The following PTPRF variants were observed in gnomAD, a reference collection of about 807,000 sequenced individuals.
The protein encoded by PTPRF is receptor-type tyrosine-protein phosphatase F.
Under a neutral mutation model 201.8 loss-of-function variants are expected in PTPRF, and 59 were observed. That is an observed-to-expected ratio of 0.29 (90% CI 0.24 to 0.36). The LOEUF (loss-of-function observed/expected upper bound fraction) is 0.36, where lower values mean the gene tolerates loss of function less well. PTPRF is among the 10% of genes least tolerant of loss of function. The pLI is 1.00. For synonymous variants in PTPRF, 1,088 were observed against 1,089.7 expected (o/e 1.00, Z 0.03); for missense variants, 2,132 against 2,690.5 (o/e 0.79, Z 4.59).
chr1:43,583,147 C>T, intron 7 of PTPRF: 1 of 967,916 alleles, frequency 1.0e-6, no homozygotes, highest in Non-Finnish European at 1.2e-6. Context: ...ATGGGACACG[C>T]CTGTCAGTAG....
chr1:43,526,072 C>T (rs986173154), upstream of PTPRF, among the ~76,000 whole-genome samples: 1 of 151,800 alleles, frequency 6.6e-6, no homozygotes, highest in African/African-American at 2.4e-5. Flanking sequence ...GTGCAGTGGA[C>T]GGGGAATAGA....
At chr1:43,576,654 T>A (rs1228425962) in intron 6 of PTPRF, among the ~76,000 whole-genome samples, 2 of 152,254 alleles carry the variant, frequency 1.3e-5, no homozygotes. Flanking sequence ...GAAACTCAGT[T>A]CATCTCTCAG....
chr1:43,597,908 G>T lies in PTPRF; in HGVS notation c.1974G>T (p.Val658=). The T allele has an allele frequency of 6.2e-7, 1 of 1,603,140 alleles. No individual in the cohort carries two copies. The highest frequency in any genetic ancestry group is 8.5e-7 in the Non-Finnish European group (1 of 1,175,352). The stretch of plus-strand genomic sequence containing the variant: ...ACGGCGAGGACCGCGGGCGGCATGT[G>T]GTGGATGGCATCAGCCGTGAGCACT... ...AVDGEDRGRH[V]VDGISREHSS... Residue 658 remains valine, a synonymous_variant, in exon 12 of 34, where the codon GTG becomes GTT. Transcript: ENST00000359947.
Position 43,553,288 on chromosome 1 carries a change from T to C in PTPRF, c.92-204T>C, listed in dbSNP as rs780063120. On this transcript the variant is annotated intron_variant, in intron 3 of 33. Coordinates refer to ENST00000359947, the MANE Select transcript of PTPRF (RefSeq NM_002840.5). The surrounding 1 kb of genome is among the most constrained non-coding windows in gnomAD (Gnocchi z 4.1). ...GGGCCTCTAGAAACAGATACAGTTATAGCACTCACCTCATATGCTTAACAG... is the reference window on the plus strand; with the variant it reads ...GGGCCTCTAGAAACAGATACAGTTACAGCACTCACCTCATATGCTTAACAG... Among the ~76,000 whole-genome samples, 1 of 152,202 alleles carries C rather than the reference T, an allele frequency of 6.6e-6. No homozygotes were observed. The highest frequency in any genetic ancestry group is 1.5e-5 in the Non-Finnish European group (1 of 68,040).
rs117228743 is a variant in PTPRF, at chr1:43,545,130, G to A, written c.55G>A (p.Val19Met). The change falls in exon 3 of 34, where the codon GTG becomes ATG. Residue 19 changes from valine to methionine, a missense_variant. By Grantham distance (21) the Val-to-Met change is conservative. This residue lies in a region of PTPRF where 297 missense variants were observed against 454.0 expected (regional missense o/e 0.65). Coordinates refer to ENST00000359947, the MANE Select transcript of PTPRF (RefSeq NM_002840.5). The stretch of plus-strand genomic sequence containing the variant: ...GATGGTGCCCCTTGTGCCTGCACTG[G>A]TGATGCTTGGTTTGGTGGCAGGCGC... ...RTMVPLVPAL[V>M]MLGLVAGAHG... is the part of the protein sequence containing the mutation. 1.6e-5 allele frequency: 26 copies of A among 1,589,820 alleles called. No individual in the cohort carries two copies. The East Asian group carries it at 3.7e-4, about 22-fold the overall frequency.
In PTPRF at chr1:43,545,180, C is replaced by T. The variant is rs766128034; in HGVS notation, c.91+14C>T. ...CCCATGGTGACAGTAAGTCTGACCC[C>T]TCAAGGTACAGATCTCCCAGGTTGA... On this transcript the variant is annotated intron_variant, in intron 3 of 33. Transcript: ENST00000359947. 1 of 1,564,416 alleles carries T rather than the reference C, an allele frequency of 6.4e-7. No individual in the cohort carries two copies. Among genetic ancestry groups the T allele is most frequent in the South Asian group, 1.2e-5 (1 of 84,914 alleles).
intron 5 of PTPRF, among the ~76,000 whole-genome samples, chr1:43,556,277 G>GT (rs1474514177): frequency 1.3e-5 from 2 of 151,888 alleles, no homozygotes; most frequent in African/African-American, 4.8e-5. Flanking sequence ...TTTTAGTTTT[G>GT]TTTGAGACAG....
At chr1:43,607,021 G>A (rs1023197744) in intron 21 of PTPRF, 53 bp downstream of exon 21, 2 of 1,594,724 alleles carry the variant, frequency 1.3e-6, no homozygotes, top group East Asian at 2.2e-5. Flanking sequence ...TCGCCTTTCA[G>A]GCCCTCTCCG....
rs1454410960 is a variant in PTPRF at position 43,609,517 on chromosome 1, C to T, written c.3973+19C>T. 3.8e-6 allele frequency: 6 copies of T among 1,591,296 alleles called. No homozygotes were observed. The highest frequency in any genetic ancestry group is 5.2e-6 in the Non-Finnish European group (6 of 1,162,094). ...ACCCCAGGTAGGGCACTCCTATGGC[C>T]TGTGTGCCCCCAGCCCAGACCTAGC... On this transcript the variant is annotated intron_variant, in intron 22 of 33. Coordinates refer to ENST00000359947, the MANE Select transcript of PTPRF (RefSeq NM_002840.5).
chr1:43,582,081 C>G (rs1271684539), intron 7 of PTPRF, among the ~76,000 whole-genome samples: 3 of 152,228 alleles, frequency 2.0e-5, no homozygotes, highest in South Asian at 4.1e-4. Flanking sequence ...CGCAAGGCTT[C>G]GTCTCCTCAT....
intron 6 of PTPRF, among the ~76,000 whole-genome samples, chr1:43,574,598 T>G (rs1285018084): frequency 6.6e-6 from 1 of 152,252 alleles, no homozygotes; most frequent in African/African-American, 2.4e-5. Context: ...TGAAAAACTC[T>G]ACGTTCATGA....
chr1:43,545,952 G>A (rs1385664031), intron 3 of PTPRF, among the ~76,000 whole-genome samples: 2 of 152,282 alleles, frequency 1.3e-5, no homozygotes, highest in South Asian at 2.1e-4. Context: ...TTGGTTACTG[G>A]TGGGAGGCGG....
In PTPRF at chr1:43,613,668, G is replaced by A. The variant is rs779515985; in HGVS notation, c.4024G>A (p.Glu1342Lys). 7.4e-6 allele frequency: 12 copies of A among 1,614,124 alleles called. No homozygotes were observed. The highest frequency in any genetic ancestry group is 4.4e-5 in the South Asian group (4 of 91,064). Residue 1342 changes from glutamate to lysine, a missense_variant, in exon 23 of 34, where the codon GAG (glutamate) becomes AAG (lysine). Around this residue, in one of 6 missense-constraint regions of PTPRF, gnomAD observed 818 missense variants for 915.3 expected, o/e 0.89. Coordinates refer to ENST00000359947, the MANE Select transcript of PTPRF (RefSeq NM_002840.5). ...IPITDLADNI[E>K]RLKANDGLKF... ...CATCACCGACCTGGCGGACAACATCGAGCGCCTCAAAGCCAACGATGGCCT... is the reference window on the plus strand; with the variant it reads ...CATCACCGACCTGGCGGACAACATCAAGCGCCTCAAAGCCAACGATGGCCT...
chr1:43,590,238 C>T (rs977273027), intron 8 of PTPRF, among the ~76,000 whole-genome samples: 4 of 152,200 alleles, frequency 2.6e-5, no homozygotes, highest in African/African-American at 9.7e-5. Context: ...AGGAGATTCC[C>T]TGGATCTTAC....
rs1644447115 is a variant in PTPRF at position 43,542,983 on chromosome 1, C to G, written c.-45-2048C>G. Among the ~76,000 whole-genome samples, 1 of 152,128 alleles carries G rather than the reference C, an allele frequency of 6.6e-6. No homozygotes were observed. Among genetic ancestry groups the G allele is most frequent in the African/African-American group, 2.4e-5 (1 of 41,410 alleles). ...GGGTTGCATGCTTGGAATGCTTGTT[C>G]CTGGAAGTTAACCTCTGTGACTATT... On this transcript the variant is annotated intron_variant, in intron 2 of 33. Coordinates refer to ENST00000359947, the MANE Select transcript of PTPRF (RefSeq NM_002840.5). The surrounding 1 kb of genome is among the most constrained non-coding windows in gnomAD (Gnocchi z 5.2).
Position 43,537,629 on chromosome 1 carries a change from G to A in PTPRF, c.-125-569G>A, listed in dbSNP as rs1160766510. Among the ~76,000 whole-genome samples, 1 of 152,246 alleles carries A rather than the reference G, an allele frequency of 6.6e-6. No individual in the cohort carries two copies. The highest frequency in any genetic ancestry group is 1.5e-5 in the Non-Finnish European group (1 of 68,040). On this transcript the variant is annotated intron_variant, in intron 1 of 33. Coordinates refer to ENST00000359947, the MANE Select transcript of PTPRF (RefSeq NM_002840.5). The surrounding 1 kb of genome is among the most constrained non-coding windows in gnomAD (Gnocchi z 4.8). ...GGTCACGGCTCCAAGCCAAGGTCCA[G>A]GCAGGTAGTCTGGGACATTGTGGAA...
intron 26 of PTPRF, 118 bp downstream of exon 26, chr1:43,618,867 G>C: frequency 6.8e-7 from 1 of 1,476,948 alleles, no homozygotes; most frequent in Non-Finnish European, 9.2e-7. Flanking sequence ...CGGAGGCTCA[G>C]GTGTGTGAGT....
chr1:43,540,257 A>G (rs1889587), intron 2 of PTPRF, among the ~76,000 whole-genome samples: 8,233 of 152,206 alleles, frequency 0.054, 274 homozygotes, highest in Middle Eastern at 0.11. Context: ...GGGCAAAATT[A>G]CCCTGAATTG....
chr1:43,591,694 C>T, intron 9 of PTPRF, 118 bp from the exon 10 acceptor site: 3 of 1,457,248 alleles, frequency 2.1e-6, no homozygotes, highest in Non-Finnish European at 2.8e-6. Context: ...GATGTGTGGT[C>T]AGTTGGGATG....
Sources: allele counts gnomAD v4.1 joint callset (sites outside exome capture counted in the v4.1 genomes callset), GRCh38; gene constraint gnomAD v4.1.1; regional missense constraint gnomAD v4.1.1; non-coding constraint Gnocchi (gnomAD v3.1); transcripts MANE v1.5; gene names NCBI Gene and HGNC (gene_info 2026-07-23, HGNC 2026-07-21).